Variants in SPATA31E1 observed in about 807,000 individuals in gnomAD.
The protein encoded by SPATA31E1 is SPATA31 subfamily E member 1, also known as spermatogenesis-associated protein 31E1.
SPATA31E1 carries 7 observed loss-of-function variants against 12.9 expected under a neutral mutation model. The observed-to-expected ratio is 0.54, with a 90% CI of 0.31 to 1.02. SPATA31E1 has a LOEUF of 1.02. Ranked by LOEUF, SPATA31E1 falls within the 50% of genes least tolerant of loss-of-function variation. SPATA31E1 has a pLI of 0.05. For synonymous variants in SPATA31E1, 771 were observed against 719.0 expected (o/e 1.07, Z -1.16); for missense variants, 1,961 against 1,799.8 (o/e 1.09, Z -1.62).
Position 87,887,096 on chromosome 9 carries a change from T to C in SPATA31E1, c.2609T>C (p.Phe870Ser). 1 of 1,613,996 alleles carries C rather than the reference T, an allele frequency of 6.2e-7. No individual in the cohort carries two copies. Among genetic ancestry groups the C allele is most frequent in the East Asian group, 2.2e-5 (1 of 44,860 alleles). Residue 870 changes from phenylalanine (F) to serine (S), a missense_variant, in exon 4 of 4, where the codon TTC (phenylalanine) becomes TCC (serine). Coordinates refer to ENST00000325643, the MANE Select transcript of SPATA31E1 (RefSeq NM_178828.5). ...TCAGGTGAGGCTCAGGCCCCGCCCT[T>C]CCCACAATCCACCTTTACCCCCTGG... Reference protein sequence around the residue: ...VWSGEAQAPPFPQSTFTPWAS... With the variant: ...VWSGEAQAPPSPQSTFTPWAS...
Position 87,887,670 on chromosome 9 carries a change from G to C in SPATA31E1, c.3183G>C (p.Gln1061His), listed in dbSNP as rs143817677. ...TGAGGGCAAGTTCGGGAAGTGTTCA[G>C]GAGGATCTGAGGAGCACAGGGGCTC... ...ASVRASSGSV[Q>H]EDLRSTGALG... Residue 1061 changes from glutamine to histidine, a missense_variant, in exon 4 of 4, where the codon CAG becomes CAC. By Grantham distance (24) the Gln-to-His change is conservative. Coordinates refer to ENST00000325643, the MANE Select transcript of SPATA31E1 (RefSeq NM_178828.5). The C allele has an allele frequency of 1.2e-6, 2 of 1,614,052 alleles. No homozygotes were observed. The highest frequency in any genetic ancestry group is 2.7e-5 in the African/African-American group (2 of 74,938).
rs554391707 is a variant in SPATA31E1 at position 87,887,235 on chromosome 9, G to C, written c.2748G>C (p.Val916=). 4.3e-6 allele frequency: 7 copies of C among 1,614,096 alleles called. No homozygotes were observed. Among genetic ancestry groups the C allele is most frequent in the Non-Finnish European group, 3.4e-6 (4 of 1,180,044 alleles). The stretch of plus-strand genomic sequence containing the variant: ...CAACAAGCAAGTCAGTCCCGACCGT[G>C]AGTGGCCCTCTCGCTGCCCCACCGC... The part of the protein sequence containing the change: ...NRTTSKSVPT[V]SGPLAAPPPE... The change falls in exon 4 of 4, where the codon GTG becomes GTC. Residue 916 remains valine (V), a synonymous_variant. Transcript: ENST00000325643.
rs145805743 is a variant in SPATA31E1, at chr9:87,887,657, C to T, written c.3170C>T (p.Ser1057Leu). 2.9e-5 allele frequency: 46 copies of T among 1,614,000 alleles called. No individual in the cohort carries two copies. Among genetic ancestry groups the T allele is most frequent in the Middle Eastern group, 3.3e-4 (2 of 6,082 alleles). Residue 1057 changes from serine to leucine, a missense_variant, in exon 4 of 4, where the codon TCG (serine) becomes TTG (leucine). By Grantham distance (145) the Ser-to-Leu change is moderately radical. Transcript: ENST00000325643. ...TTGGGAGCCAGTGTGAGGGCAAGTT[C>T]GGGAAGTGTTCAGGAGGATCTGAGG... ...VTLGASVRAS[S>L]GSVQEDLRST...
At position 87,885,165 on chromosome 9, in the gene SPATA31E1, G is replaced by A. The variant is rs564121405; in HGVS notation, c.678G>A (p.Glu226=). The change falls in exon 4 of 4, where the codon GAG becomes GAA. Residue 226 remains glutamate (E), a synonymous_variant. Transcript: ENST00000325643. ...CCCTGAGTGCCTCCGGGCCACCAGA[G>A]CCCTTGCTTCCCCTAAAATGCCCTG... The part of the protein sequence containing the change: ...HSTLSASGPP[E]PLLPLKCPAT... 10 of 1,614,108 alleles carry A rather than the reference G, an allele frequency of 6.2e-6. No individual in the cohort carries two copies. Among genetic ancestry groups the A allele is most frequent in the South Asian group, 5.5e-5 (5 of 91,074 alleles).
rs142037619 is a variant in SPATA31E1 at position 87,886,422 on chromosome 9, C to A, written c.1935C>A (p.Ser645Arg). 745 of 1,613,940 alleles carry A rather than the reference C, an allele frequency of 4.6e-4. 6 individuals are homozygous for A. In the African/African-American group the frequency reaches 8.7e-3, roughly 19 times the overall value. Residue 645 changes from serine to arginine, a missense_variant, in exon 4 of 4, where the codon AGC (serine) becomes AGA (arginine). Transcript: ENST00000325643. ...IHQEQSCGPP[S>R]RLQASGDLLQ... ...AGGAGCAGTCCTGTGGCCCTCCCAG[C>A]AGATTGCAGGCATCTGGGGACCTGC...
rs1404640919 is a variant in SPATA31E1 at position 87,888,257 on chromosome 9, C to T, written c.3770C>T (p.Thr1257Ile). 2.5e-6 allele frequency: 4 copies of T among 1,614,134 alleles called. No homozygotes were observed. Among genetic ancestry groups the T allele is most frequent in the African/African-American group, 2.7e-5 (2 of 75,060 alleles). ...YNQLQLEKGQ[T>I]PPESHFQRKI... The stretch of plus-strand genomic sequence containing the variant: ...CAGCTTCAGCTGGAGAAGGGACAGA[C>T]ACCACCAGAAAGCCACTTCCAGAGA... The change falls in exon 4 of 4, where the codon ACA (threonine) becomes ATA (isoleucine). Residue 1257 changes from threonine to isoleucine, a missense_variant. Coordinates refer to ENST00000325643, the MANE Select transcript of SPATA31E1 (RefSeq NM_178828.5).
At position 87,886,247 on chromosome 9, in the gene SPATA31E1, A is replaced by T. The variant is rs1828271413; in HGVS notation, c.1760A>T (p.Lys587Met). 1 of 1,613,806 alleles carries T rather than the reference A, an allele frequency of 6.2e-7. No individual in the cohort carries two copies. The highest frequency in any genetic ancestry group is 1.3e-5 in the African/African-American group (1 of 74,888). ...WKRVLPSLLK[K>M]SQAVLSQPTA... ...AGGGTTTTGCCCTCTCTCCTCAAAA[A>T]GTCTCAGGCTGTTCTGAGCCAGCCC... is the stretch of plus-strand genomic sequence containing the variant. The change falls in exon 4 of 4, where the codon AAG (lysine) becomes ATG (methionine). Residue 587 changes from lysine to methionine, a missense_variant. By Grantham distance (95) the Lys-to-Met change is moderately conservative. Coordinates refer to ENST00000325643, the MANE Select transcript of SPATA31E1 (RefSeq NM_178828.5).
rs1828290311 is a variant in SPATA31E1, at chr9:87,886,990, C to T, written c.2503C>T (p.Leu835=). 2 of 1,614,044 alleles carry T rather than the reference C, an allele frequency of 1.2e-6. No homozygotes were observed. Among genetic ancestry groups the T allele is most frequent in the South Asian group, 2.2e-5 (2 of 91,086 alleles). Reference sequence around the variant, plus strand: ...CCTCCATCCCTGCACCCAGCAGATACTGGAAGTACATCTTGTAAGGTTCTG... The same window carrying T: ...CCTCCATCCCTGCACCCAGCAGATATTGGAAGTACATCTTGTAAGGTTCTG... ...SFLHPCTQQI[L]EVHLVRFCVR... The change falls in exon 4 of 4, where the codon CTG becomes TTG. Residue 835 remains leucine (L), a synonymous_variant. Transcript: ENST00000325643.
Position 87,886,760 on chromosome 9 carries a change from A to C in SPATA31E1, c.2273A>C (p.Lys758Thr), listed in dbSNP as rs368959161. The C allele has an allele frequency of 1.9e-6, 3 of 1,613,936 alleles. No individual in the cohort carries two copies. The South Asian group carries it at 3.3e-5, about 18-fold the overall frequency. ...SVSSTPRDPD[K>T]EHLENKLQIH... Reference sequence around the variant, plus strand: ...AGTTCCACACCCAGGGACCCAGACAAGGAGCATCTGGAAAACAAGCTGCAA... The same window carrying C: ...AGTTCCACACCCAGGGACCCAGACACGGAGCATCTGGAAAACAAGCTGCAA... Residue 758 changes from lysine to threonine, a missense_variant, in exon 4 of 4, where the codon AAG becomes ACG. Physicochemically the swap from Lys to Thr is moderately conservative, Grantham distance 78 (BLOSUM62 -1). Coordinates refer to ENST00000325643, the MANE Select transcript of SPATA31E1 (RefSeq NM_178828.5).
chr9:87,886,801 A>T lies in SPATA31E1; in HGVS notation c.2314A>T (p.Lys772Ter). Residue 772 changes from lysine to a stop codon, truncating the protein, a stop_gained, in exon 4 of 4, where the codon AAG (lysine) becomes TAG (stop). Transcript: ENST00000325643. LOFTEE classifies it low-confidence loss of function (END_TRUNC). ...CAAGCTGCAAATCCATCTGGCCAGG[A>T]AGGTAGGGGAGATCAAAGAGGGCTG... The part of the protein sequence containing the change: ...ENKLQIHLAR[K>*]VGEIKEGWIP... 6.2e-7 allele frequency: 1 copy of T among 1,614,056 alleles called. No homozygotes were observed. Among genetic ancestry groups the T allele is most frequent in the Non-Finnish European group, 8.5e-7 (1 of 1,180,000 alleles).
In SPATA31E1 at chr9:87,885,046, G is replaced by C. The variant is rs1828240231; in HGVS notation, c.559G>C (p.Ala187Pro). Reference protein sequence around the residue: ...HGKCMQDPSPASLSPPAPPAP... With the variant: ...HGKCMQDPSPPSLSPPAPPAP... ...GAAATGCATGCAAGATCCGTCTCCT[G>C]CCAGCTTGTCCCCACCAGCTCCCCC... The change falls in exon 4 of 4, where the codon GCC becomes CCC. Residue 187 changes from alanine (A) to proline (P), a missense_variant. Ala to Pro is a conservative substitution (Grantham distance 27). Coordinates refer to ENST00000325643, the MANE Select transcript of SPATA31E1 (RefSeq NM_178828.5). 6.2e-7 allele frequency: 1 copy of C among 1,613,984 alleles called. No homozygotes were observed.
rs1443213810 is a variant in SPATA31E1, at chr9:87,886,540, G to A, written c.2053G>A (p.Gly685Arg). The A allele has an allele frequency of 1.9e-6, 3 of 1,613,880 alleles. No homozygotes were observed. The highest frequency in any genetic ancestry group is 2.5e-6 in the Non-Finnish European group (3 of 1,179,968). The stretch of plus-strand genomic sequence containing the variant: ...GCCCTCCCAGCCTTCTGACTTTGCA[G>A]GGAAGGGCAGGAAGGATGTGCAGAA... ...LLPSQPSDFA[G>R]KGRKDVQKTG... Residue 685 changes from glycine (G) to arginine (R), a missense_variant, in exon 4 of 4, where the codon GGG becomes AGG. Physicochemically the swap from Gly to Arg is moderately radical, Grantham distance 125. Coordinates refer to ENST00000325643, the MANE Select transcript of SPATA31E1 (RefSeq NM_178828.5).
At position 87,886,986 on chromosome 9, in the gene SPATA31E1, G is replaced by C. The variant is rs745544386; in HGVS notation, c.2499G>C (p.Gln833His). ...CCTTCCTCCATCCCTGCACCCAGCA[G>C]ATACTGGAAGTACATCTTGTAAGGT... is the stretch of plus-strand genomic sequence containing the variant. ...ELSFLHPCTQ[Q>H]ILEVHLVRFC... The change falls in exon 4 of 4, where the codon CAG becomes CAC. Residue 833 changes from glutamine (Q) to histidine (H), a missense_variant. Gln to His is a conservative substitution (Grantham distance 24). Transcript: ENST00000325643. The C allele has an allele frequency of 1.2e-6, 2 of 1,614,154 alleles. No homozygotes were observed. Among genetic ancestry groups the C allele is most frequent in the Admixed American group, 3.3e-5 (2 of 60,022 alleles).
At position 87,886,919 on chromosome 9, in the gene SPATA31E1, G is replaced by A. The variant is rs1291680423; in HGVS notation, c.2432G>A (p.Trp811Ter). The A allele has an allele frequency of 6.2e-7, 1 of 1,614,130 alleles. No homozygotes were observed. The highest frequency in any genetic ancestry group is 1.1e-5 in the South Asian group (1 of 91,086). ...AGGAAACCTGGGAAGCTGGCATCCT[G>A]GAGGGGTGGGAAAGCCCACGTGAAC... is the stretch of plus-strand genomic sequence containing the variant. The part of the protein sequence containing the change: ...THRKPGKLAS[W>*]RGGKAHVNTS... The change falls in exon 4 of 4, where the codon TGG becomes TAG. Residue 811 changes from tryptophan (W) to a stop codon, truncating the protein, a stop_gained. Coordinates refer to ENST00000325643, the MANE Select transcript of SPATA31E1 (RefSeq NM_178828.5). LOFTEE classifies it low-confidence loss of function (END_TRUNC).
rs1177253514 is a variant in SPATA31E1, at chr9:87,885,892, G to T, written c.1405G>T (p.Val469Leu). ...CCCTTCCTCACAGAATGCACACTCTGTACCACTGGATAAAGCCTCCACTTC... is the reference window on the plus strand; with the variant it reads ...CCCTTCCTCACAGAATGCACACTCTTTACCACTGGATAAAGCCTCCACTTC... ...RNPSSQNAHSVPLDKASTSLP... is the reference protein window; with the variant it reads ...RNPSSQNAHSLPLDKASTSLP... The change falls in exon 4 of 4, where the codon GTA (valine) becomes TTA (leucine). Residue 469 changes from valine (V) to leucine (L), a missense_variant. Coordinates refer to ENST00000325643, the MANE Select transcript of SPATA31E1 (RefSeq NM_178828.5). 3 of 1,614,002 alleles carry T rather than the reference G, an allele frequency of 1.9e-6. No homozygotes were observed. The highest frequency in any genetic ancestry group is 2.5e-6 in the Non-Finnish European group (3 of 1,180,038).
At position 87,882,976 on chromosome 9, in the gene SPATA31E1, C is replaced by CTA. The variant is rs1564126902; in HGVS notation, c.85_86insTA (p.Pro29LeufsTer22). 1.2e-6 allele frequency: 2 copies of CTA among 1,605,710 alleles called. No individual in the cohort carries two copies. Among genetic ancestry groups the CTA allele is most frequent in the Admixed American group, 3.4e-5 (2 of 59,000 alleles). On this transcript the variant is annotated frameshift_variant, in exon 1 of 4. Transcript: ENST00000325643. LOFTEE classifies it high-confidence loss of function. ...GAGGATTCCACCCCCAGCTCCCAGA[C>CTA]CATCTGTGGAGTGCACAGGAGACGA...
Position 87,885,154 on chromosome 9 carries a change from G to A in SPATA31E1, c.667G>A (p.Gly223Arg), listed in dbSNP as rs758159169. 17 of 1,614,092 alleles carry A rather than the reference G, an allele frequency of 1.1e-5. No individual in the cohort carries two copies. Among genetic ancestry groups the A allele is most frequent in the Middle Eastern group, 1.6e-4 (1 of 6,062 alleles). The change falls in exon 4 of 4, where the codon GGG becomes AGG. Residue 223 changes from glycine (G) to arginine (R), a missense_variant. By Grantham distance (125) the Gly-to-Arg change is moderately radical. Transcript: ENST00000325643. ...ACCACACTCAACCCTGAGTGCCTCC[G>A]GGCCACCAGAGCCCTTGCTTCCCCT... ...FGPHSTLSAS[G>R]PPEPLLPLKC... is the part of the protein sequence containing the mutation.
Position 87,883,984 on chromosome 9 carries a change from CCT to C in SPATA31E1, c.310-4_310-3del, listed in dbSNP as rs779943805. 6.2e-7 allele frequency: 1 copy of C among 1,604,140 alleles called. No homozygotes were observed. The highest frequency in any genetic ancestry group is 8.5e-7 in the Non-Finnish European group (1 of 1,174,600). ...GGTCCCAGCCCCTCATCCTTTCTTG[CCT>C]CTCAGCCTCAAAGGGAGAGAAGCGG... On this transcript the variant is annotated splice_polypyrimidine_tract_variant and splice_region_variant and intron_variant, in intron 1 of 3. Coordinates refer to ENST00000325643, the MANE Select transcript of SPATA31E1 (RefSeq NM_178828.5).
At chr9:87,883,376 A>G (rs191731036) in intron 1 of SPATA31E1, among the ~76,000 whole-genome samples, 176 bp downstream of exon 1, 77 of 152,310 alleles carry the variant, frequency 5.1e-4, no homozygotes, top group Non-Finnish European at 9.6e-4. Context: ...TCCCGAGCTC[A>G]TCTGTGGGGT....
Sources: allele counts gnomAD v4.1 joint callset (sites outside exome capture counted in the v4.1 genomes callset), GRCh38; gene constraint gnomAD v4.1.1; transcripts MANE v1.5; gene names NCBI Gene and HGNC (gene_info 2026-07-23, HGNC 2026-07-21).